The following ST3GAL3 variants were observed in gnomAD, a reference collection of about 807,000 sequenced individuals.
ST3GAL3 encodes CMP-N-acetylneuraminate-beta-1,4-galactoside alpha-2,3-sialyltransferase.
A neutral mutation model predicts 50.1 loss-of-function variants in ST3GAL3; 21 were observed. That is an observed-to-expected ratio of 0.42 (90% CI 0.30 to 0.60). The LOEUF (loss-of-function observed/expected upper bound fraction) is 0.60. Among genes scored for constraint, ST3GAL3 ranks in the 20% least tolerant of loss-of-function variants. The pLI, the probability that ST3GAL3 is intolerant of heterozygous loss-of-function variation, is 0.19. For missense variants in ST3GAL3, 353 were observed against 489.4 expected, an observed-to-expected ratio of 0.72 and a Z score of 2.63; for synonymous variants, 183 against 190.0, an observed-to-expected ratio of 0.96 and a Z score of 0.30.
chr1:43,811,884 C>CG (rs1236346526), intron 3 of ST3GAL3, among the ~76,000 whole-genome samples: 1 of 152,162 alleles, frequency 6.6e-6, no homozygotes, highest in African/African-American at 2.4e-5. Context: ...CTCTAGCAAC[C>CG]GATTGCTATT....
intron 4 of ST3GAL3, among the ~76,000 whole-genome samples, chr1:43,829,734 C>A (rs1199477901): frequency 6.6e-6 from 1 of 152,180 alleles, no homozygotes; most frequent in East Asian, 1.9e-4. Context: ...AAGATACCCA[C>A]CCTAATTCCC....
At chr1:43,732,924 AT>A (rs1452435154) in intron 1 of ST3GAL3, among the ~76,000 whole-genome samples, 1 of 152,010 alleles carries the variant, frequency 6.6e-6, no homozygotes, top group East Asian at 1.9e-4. Context: ...GTGTTGTTTG[AT>A]TTTTTTAATA....
chr1:43,888,825 G>A (rs2076318272), intron 5 of ST3GAL3, among the ~76,000 whole-genome samples: 1 of 152,076 alleles, frequency 6.6e-6, no homozygotes, highest in African/African-American at 2.4e-5. Flanking sequence ...ATCACTGGTG[G>A]GTATTGCAAA....
At chr1:43,794,149 AT>A (rs903609956) in intron 3 of ST3GAL3, among the ~76,000 whole-genome samples, 5 of 152,114 alleles carry the variant, frequency 3.3e-5, no homozygotes, top group African/African-American at 7.2e-5. Flanking sequence ...AGTGAAAAAA[AT>A]ATCTTTACAA....
At chr1:43,709,762 G>A (rs1663640959) in intron 1 of ST3GAL3, among the ~76,000 whole-genome samples, 1 of 152,016 alleles carries the variant, frequency 6.6e-6, no homozygotes, top group Non-Finnish European at 1.5e-5. Context: ...CAGGAGAATC[G>A]CTTGAACCCG....
intron 1 of ST3GAL3, among the ~76,000 whole-genome samples, chr1:43,708,805 CAA>C (rs1277179851): frequency 6.6e-6 from 1 of 152,136 alleles, no homozygotes; most frequent in East Asian, 1.9e-4. Flanking sequence ...AACGATGAAA[CAA>C]GACATTCATG....
intron 2 of ST3GAL3, among the ~76,000 whole-genome samples, chr1:43,791,491 T>C (rs1239691619): frequency 6.6e-6 from 1 of 152,226 alleles, no homozygotes; most frequent in Non-Finnish European, 1.5e-5. Flanking sequence ...CATTTCCTTT[T>C]TTCTTTGGCT....
Position 43,711,419 on chromosome 1 carries a change from A to T in ST3GAL3, c.-31+3726A>T, listed in dbSNP as rs189669970. Among the ~76,000 whole-genome samples the T allele has an allele frequency of 1.2e-3, 176 of 152,378 alleles. 1 individual carries two copies. The highest frequency in any genetic ancestry group is 2.3e-3 in the Admixed American group (35 of 15,302). ...ATTGGCCAAAGCAAGTCACATAGCC[A>T]TGCCTAACTTTAAAGAAGGTTAGAG... On this transcript the variant is annotated intron_variant, in intron 1 of 11. Transcript: ENST00000347631.
intron 4 of ST3GAL3, among the ~76,000 whole-genome samples, chr1:43,832,688 T>A (rs1339384975): frequency 2.0e-5 from 3 of 152,088 alleles, no homozygotes; most frequent in Non-Finnish European, 4.4e-5. Flanking sequence ...AGAGGATCTA[T>A]GGCAGTAAAG....
At chr1:43,929,180 A>G (rs1489999907) in intron 11 of ST3GAL3, among the ~76,000 whole-genome samples, 6 of 152,236 alleles carry the variant, frequency 3.9e-5, no homozygotes, top group Middle Eastern at 3.2e-3. Context: ...TGTGCTCACC[A>G]TAAAAAATTG....
At chr1:43,850,685 A>G in intron 5 of ST3GAL3, 1 of 727,644 alleles carries the variant, frequency 1.4e-6, no homozygotes, top group South Asian at 1.5e-5. Context: ...TCAAATGTTT[A>G]TCAGAACAAC....
chr1:43,760,672 C>T (rs1231128846), intron 2 of ST3GAL3, among the ~76,000 whole-genome samples: 1 of 152,022 alleles, frequency 6.6e-6, no homozygotes, highest in Non-Finnish European at 1.5e-5. Context: ...AGGAGAATCG[C>T]TTGAACTCGG....
At position 43,814,901 on chromosome 1, in the gene ST3GAL3, G is replaced by A. The variant is rs758360430; in HGVS notation, c.177G>A (p.Arg59=). ...AGQTLGSEYD[R]LGFLLNLDSK... Reference sequence around the variant, plus strand: ...GCTTTTCTTTTTCAGAGTATGATCGGTTGGGCTTCCTCCTGAATCTGGACT... The same window carrying A: ...GCTTTTCTTTTTCAGAGTATGATCGATTGGGCTTCCTCCTGAATCTGGACT... The change falls in exon 4 of 12, where the codon CGG becomes CGA. Residue 59 remains arginine, a synonymous_variant. Coordinates refer to ENST00000347631, the MANE Select transcript of ST3GAL3 (RefSeq NM_006279.5). 1 of 1,614,124 alleles carries A rather than the reference G, an allele frequency of 6.2e-7. No individual in the cohort carries two copies. Among genetic ancestry groups the A allele is most frequent in the Non-Finnish European group, 8.5e-7 (1 of 1,180,014 alleles).
intron 2 of ST3GAL3, among the ~76,000 whole-genome samples, chr1:43,748,459 G>T (rs1572057331): frequency 7.7e-6 from 1 of 129,082 alleles, no homozygotes; most frequent in Admixed American, 9.2e-5. Flanking sequence ...GCCAGAGTCT[G>T]GCTCTGTCAT....
chr1:43,778,758 G>A (rs1386899251), intron 2 of ST3GAL3, among the ~76,000 whole-genome samples: 2 of 138,346 alleles, frequency 1.4e-5, no homozygotes, highest in East Asian at 4.3e-4. Flanking sequence ...CCATTCTCCT[G>A]CCTCAGCCTC....
chr1:43,744,014 A>G (rs906349787), intron 2 of ST3GAL3, among the ~76,000 whole-genome samples: 2 of 152,232 alleles, frequency 1.3e-5, no homozygotes, highest in African/African-American at 4.8e-5. Flanking sequence ...CATTAGTGGC[A>G]TGCTTATCTT....
chr1:43,882,820 G>T (rs2075355830), intron 5 of ST3GAL3, among the ~76,000 whole-genome samples: 1 of 152,114 alleles, frequency 6.6e-6, no homozygotes, highest in Non-Finnish European at 1.5e-5. Flanking sequence ...TTCTGGGCTT[G>T]CATGGTTTGT....
At position 43,930,565 on chromosome 1, in the gene ST3GAL3, G is replaced by C; in HGVS notation, c.*344G>C. ...TTATCATTTTGTGAATTTGGGTAGGGGGGAGGGTAGGGATAATTTATTTTT... is the reference window on the plus strand; with the variant it reads ...TTATCATTTTGTGAATTTGGGTAGGCGGGAGGGTAGGGATAATTTATTTTT... On this transcript the variant is annotated 3_prime_UTR_variant, in exon 12 of 12. Transcript: ENST00000347631. The C allele has an allele frequency of 2.4e-6, 1 of 408,474 alleles. No individual in the cohort carries two copies. The highest frequency in any genetic ancestry group is 4.6e-6 in the Non-Finnish European group (1 of 216,460). 25.3% of individuals were successfully genotyped at this position (408,474 alleles called of 1,614,324 possible).
chr1:43,714,432 CAAAAAAAAAAA>C (rs35400929), intron 1 of ST3GAL3, among the ~76,000 whole-genome samples: 3 of 73,714 alleles, frequency 4.1e-5, no homozygotes, highest in African/African-American at 1.9e-4. Flanking sequence ...TACTAAAATA[CAAAAAAAAAAA>C]AAAAAAAAAA....
Sources: gnomAD v4.1 joint callset for allele counts (sites outside exome capture counted in the v4.1 genomes callset) on GRCh38, gnomAD v4.1.1 for gene constraint, MANE v1.5 for transcripts, NCBI Gene and HGNC (gene_info 2026-07-23, HGNC 2026-07-21) for gene names.